TRAPPC12: variants seen among roughly 807,000 people sequenced by gnomAD.
TRAPPC12 encodes TPR repeat protein 15.
TRAPPC12 carries 61 observed loss-of-function variants against 69.2 expected under a neutral mutation model. That is an observed-to-expected ratio of 0.88 (90% CI 0.72 to 1.09). The LOEUF (loss-of-function observed/expected upper bound fraction) is 1.09. TRAPPC12 is among the 50% of genes least tolerant of loss of function. TRAPPC12 has a pLI of 0.00. For synonymous variants in TRAPPC12, 469 were observed against 438.9 expected (o/e 1.07, Z -0.86); for missense variants, 1,101 against 1,016.4 (o/e 1.08, Z -1.13).
chr2:3,420,462 C>T (rs922991048), intron 3 of TRAPPC12, among the ~76,000 whole-genome samples: 1 of 152,216 alleles, frequency 6.6e-6, no homozygotes, highest in Non-Finnish European at 1.5e-5. Flanking sequence ...GCACTGTGCT[C>T]AGCACTTTCA....
At chr2:3,475,783 C>T (rs1349003490) in intron 9 of TRAPPC12, among the ~76,000 whole-genome samples, 1 of 152,216 alleles carries the variant, frequency 6.6e-6, no homozygotes, top group Non-Finnish European at 1.5e-5. Context: ...AGAAAATTGT[C>T]TCATCTTTCC....
chr2:3,389,507 G>A (rs1296063510), intron 2 of TRAPPC12, among the ~76,000 whole-genome samples: 2 of 152,238 alleles, frequency 1.3e-5, no homozygotes, highest in Non-Finnish European at 2.9e-5. Flanking sequence ...CGTGGCGCCC[G>A]AAGAGCAACA....
At chr2:3,471,784 G>A (rs1666072478) in intron 9 of TRAPPC12, among the ~76,000 whole-genome samples, 1 of 152,124 alleles carries the variant, frequency 6.6e-6, no homozygotes, top group African/African-American at 2.4e-5. Flanking sequence ...GGGTCTTAGA[G>A]GGTCCTCACT....
At chr2:3,469,573 C>G (rs1665973029) in intron 9 of TRAPPC12, among the ~76,000 whole-genome samples, 1 of 152,168 alleles carries the variant, frequency 6.6e-6, no homozygotes, top group South Asian at 2.1e-4. Flanking sequence ...CGTCACAGGC[C>G]CCTCCAGCAA....
At chr2:3,468,187 C>T (rs796590434) in intron 9 of TRAPPC12, among the ~76,000 whole-genome samples, 5 of 152,110 alleles carry the variant, frequency 3.3e-5, no homozygotes, top group African/African-American at 1.2e-4. Context: ...CTCAGAACTC[C>T]CTTCTCTTTC....
intron 3 of TRAPPC12, among the ~76,000 whole-genome samples, chr2:3,415,937 C>T (rs1404796070): frequency 1.3e-5 from 2 of 151,278 alleles, no homozygotes; most frequent in East Asian, 1.9e-4. Flanking sequence ...AGGATGGTCT[C>T]GATCTCCTGA....
chr2:3,388,576 G>A lies in TRAPPC12; in HGVS notation c.953G>A (p.Gly318Glu), dbSNP rs764831301. The change falls in exon 2 of 12, where the codon GGA (glycine) becomes GAA (glutamate). Residue 318 changes from glycine to glutamate, a missense_variant. Coordinates refer to ENST00000324266, the MANE Select transcript of TRAPPC12 (RefSeq NM_016030.6). ...TGGCTTCCCGGCGAGGCTACGCGTGGAGTCCTGCGGGCCGTGGCCACCCAG... is the reference window on the plus strand; with the variant it reads ...TGGCTTCCCGGCGAGGCTACGCGTGAAGTCCTGCGGGCCGTGGCCACCCAG... Reference protein sequence around the residue: ...DAWLPGEATRGVLRAVATQQR... With the variant: ...DAWLPGEATREVLRAVATQQR... 1.1e-5 allele frequency: 18 copies of A among 1,612,224 alleles called. No individual in the cohort carries two copies. Among genetic ancestry groups the A allele is most frequent in the Non-Finnish European group, 1.5e-5 (18 of 1,179,416 alleles).
Position 3,385,184 on chromosome 2 carries a change from C to T in TRAPPC12, c.-4-2436C>T, listed in dbSNP as rs937489019. Among the ~76,000 whole-genome samples, 6 of 152,226 alleles carry T rather than the reference C, an allele frequency of 3.9e-5. No individual in the cohort carries two copies. The South Asian group carries it at 1.2e-3, about 32-fold the overall frequency. On this transcript the variant is annotated intron_variant, in intron 1 of 11. Transcript: ENST00000324266. ...ATATCATTTTTATTTGAGCATTCCT[C>T]TTGATTTTCTAGAGAAGAAACCCTC...
intron 9 of TRAPPC12, among the ~76,000 whole-genome samples, chr2:3,468,725 G>A (rs746264249): frequency 3.9e-5 from 6 of 152,212 alleles, no homozygotes; most frequent in African/African-American, 9.6e-5. Flanking sequence ...ACGTGGGCAC[G>A]AGGCCCTCCA....
intron 3 of TRAPPC12, among the ~76,000 whole-genome samples, chr2:3,415,248 C>A (rs905755286): frequency 6.6e-6 from 1 of 152,190 alleles, no homozygotes; most frequent in African/African-American, 2.4e-5. Flanking sequence ...GCGGTGAATT[C>A]AAGAAATGAC....
At chr2:3,478,132 G>C (rs542733111) in intron 10 of TRAPPC12, 1 of 61,646 alleles carries the variant, frequency 1.6e-5, no homozygotes, top group East Asian at 5.3e-4. Context: ...TCTGTGTCTG[G>C]ATCCCGTGCT....
intron 3 of TRAPPC12, among the ~76,000 whole-genome samples, chr2:3,412,645 G>C (rs1662128216): frequency 6.6e-6 from 1 of 152,174 alleles, no homozygotes; most frequent in Non-Finnish European, 1.5e-5. Flanking sequence ...GCTCTGACTG[G>C]AGCAGGGGCG....
At chr2:3,446,634 C>T (rs1470274013) in intron 6 of TRAPPC12, among the ~76,000 whole-genome samples, 1 of 152,236 alleles carries the variant, frequency 6.6e-6, no homozygotes, top group Non-Finnish European at 1.5e-5. Context: ...CAGTGTTGAA[C>T]TGAAGCAGTT....
At chr2:3,399,264 T>C (rs761393641) in intron 2 of TRAPPC12, among the ~76,000 whole-genome samples, 26 of 152,242 alleles carry the variant, frequency 1.7e-4, no homozygotes, top group Non-Finnish European at 2.9e-4. Flanking sequence ...GAATTGGCCC[T>C]CCGTCCCTGG....
intron 1 of TRAPPC12, among the ~76,000 whole-genome samples, chr2:3,384,209 T>C (rs1660387594): frequency 6.6e-6 from 1 of 152,190 alleles, no homozygotes. Context: ...TATTTCAGTC[T>C]TTATACCATA....
At chr2:3,474,640 A>G (rs916635644) in intron 9 of TRAPPC12, among the ~76,000 whole-genome samples, 1 of 152,212 alleles carries the variant, frequency 6.6e-6, no homozygotes, top group Admixed American at 6.5e-5. Flanking sequence ...TTCTGCGTTT[A>G]TAAGTGATGT....
At position 3,457,332 on chromosome 2, in the gene TRAPPC12, T is replaced by G. The variant is rs537567336; in HGVS notation, c.1531-289T>G. The G allele has an allele frequency of 1.2e-4, 58 of 469,854 alleles. No individual in the cohort carries two copies. The East Asian group carries it at 2.7e-3, about 22-fold the overall frequency. 29.1% of individuals were successfully genotyped at this position (469,854 alleles called of 1,614,324 possible). A position where few individuals can be genotyped will look rare whatever the true frequency, so the allele number is the denominator to read the frequency against. On this transcript the variant is annotated intron_variant, in intron 6 of 11. Coordinates refer to ENST00000324266, the MANE Select transcript of TRAPPC12 (RefSeq NM_016030.6). ...GAGGAAGAGCTGAAAAATGATCTGT[T>G]GGGTCCCATGCTGACTACCTGGGTG... is the stretch of plus-strand genomic sequence containing the variant.
intron 9 of TRAPPC12, 30 bp downstream of exon 9, chr2:3,465,725 A>G: frequency 6.6e-7 from 1 of 1,507,004 alleles, no homozygotes; most frequent in Non-Finnish European, 9.2e-7. Context: ...CATGAGCCAG[A>G]AAGGCCTTAT....
chr2:3,399,917 C>G (rs981035983), intron 2 of TRAPPC12, among the ~76,000 whole-genome samples: 12 of 152,086 alleles, frequency 7.9e-5, no homozygotes, highest in African/African-American at 2.7e-4. Flanking sequence ...TCTCTGCACC[C>G]TCAGTCACTG....
Sources: gnomAD v4.1 joint callset for allele counts (sites outside exome capture counted in the v4.1 genomes callset) on GRCh38, gnomAD v4.1.1 for gene constraint, MANE v1.5 for transcripts, NCBI Gene and HGNC (gene_info 2026-07-23, HGNC 2026-07-21) for gene names.